GPC5: variants seen among roughly 807,000 people sequenced by gnomAD.
GPC5 encodes glypican 5, also known as glypican-5.
A neutral mutation model predicts 53.9 loss-of-function variants in GPC5; 47 were observed. The ratio of observed to expected loss-of-function variants is 0.87; its 90% CI spans 0.69 to 1.11. GPC5 has a LOEUF of 1.11. Ranked by LOEUF, GPC5 falls within the 50% of genes most tolerant of loss-of-function variation. GPC5 has a pLI of 0.00. For synonymous variants in GPC5, 286 were observed against 263.3 expected (o/e 1.09, Z -0.84); for missense variants, 748 against 713.1 (o/e 1.05, Z -0.56).
At chr13:91,508,700 A>G (rs113374336) in intron 2 of GPC5, among the ~76,000 whole-genome samples, 2,023 of 152,340 alleles carry the variant, frequency 0.013, 43 homozygotes, top group African/African-American at 0.041. Flanking sequence ...TATGCTACAG[A>G]CAACTGACTA....
intron 7 of GPC5, among the ~76,000 whole-genome samples, chr13:92,493,543 C>T (rs1203217734): frequency 6.6e-6 from 1 of 151,856 alleles, no homozygotes. Context: ...AGAGGAAGAG[C>T]GAGGGGAAAA....
chr13:92,708,398 C>T (rs534788290), intron 7 of GPC5, among the ~76,000 whole-genome samples: 2 of 152,264 alleles, frequency 1.3e-5, no homozygotes, highest in East Asian at 1.9e-4. Flanking sequence ...TACCCTCTTA[C>T]TGCCTCAAAT....
intron 7 of GPC5, among the ~76,000 whole-genome samples, chr13:92,237,977 A>G (rs1370661742): frequency 6.6e-6 from 1 of 151,988 alleles, no homozygotes; most frequent in East Asian, 1.9e-4. Context: ...CCATGCTGTA[A>G]CTTGTTCATC....
intron 6 of GPC5, among the ~76,000 whole-genome samples, chr13:91,988,755 G>T (rs117035316): frequency 4.9e-4 from 75 of 152,104 alleles, no homozygotes; most frequent in Non-Finnish European, 6.5e-4. Context: ...TTTCCATCAA[G>T]CTTTAAGGTC....
intron 7 of GPC5, among the ~76,000 whole-genome samples, chr13:92,840,124 T>C (rs954971693): frequency 8.5e-6 from 1 of 117,866 alleles, no homozygotes; most frequent in Non-Finnish European, 1.8e-5. Flanking sequence ...TATATATATA[T>C]GAGTACACAC....
intron 7 of GPC5, among the ~76,000 whole-genome samples, chr13:92,589,073 G>A (rs1387172041): frequency 6.6e-6 from 1 of 152,150 alleles, no homozygotes; most frequent in African/African-American, 2.4e-5. Flanking sequence ...TGTACTAGAG[G>A]AACCATTCTT....
chr13:92,193,681 T>C (rs561388896), intron 7 of GPC5, among the ~76,000 whole-genome samples: 3 of 152,366 alleles, frequency 2.0e-5, no homozygotes, highest in East Asian at 3.9e-4. Flanking sequence ...TGCTAAGGAA[T>C]TGTTGACACT....
chr13:92,002,886 GTGGATGGATGTAACCACAGT>G (rs1195380900), intron 6 of GPC5, among the ~76,000 whole-genome samples: 1 of 152,176 alleles, frequency 6.6e-6, no homozygotes, highest in Non-Finnish European at 1.5e-5. Flanking sequence ...AACCTACAGG[GTGGATGGATGTAACCACAGT>G]TGTTGGCTAT....
chr13:91,818,539 A>G (rs9560863), intron 5 of GPC5, among the ~76,000 whole-genome samples: 91,374 of 152,002 alleles, frequency 0.6, 27,985 homozygotes, highest in East Asian at 0.96. Context: ...GCACAGTTTT[A>G]GTATTCAATG....
chr13:92,462,499 CTTGAAGAAG>C (rs957694846), intron 7 of GPC5, among the ~76,000 whole-genome samples: 24 of 152,054 alleles, frequency 1.6e-4, no homozygotes, highest in African/African-American at 5.3e-4. Context: ...AGGGGTTTTT[CTTGAAGAAG>C]AGCAATAATT....
At chr13:92,822,114 T>C (rs1877693941) in intron 7 of GPC5, among the ~76,000 whole-genome samples, 1 of 152,148 alleles carries the variant, frequency 6.6e-6, no homozygotes, top group Non-Finnish European at 1.5e-5. Flanking sequence ...CTGTAAAATA[T>C]TAATTACCTC....
chr13:92,696,734 G>T (rs992930521), intron 7 of GPC5, among the ~76,000 whole-genome samples: 4 of 152,086 alleles, frequency 2.6e-5, no homozygotes, highest in African/African-American at 9.7e-5. Context: ...GGCTTTTGTT[G>T]CCCTTGCTTT....
intron 3 of GPC5, among the ~76,000 whole-genome samples, chr13:91,726,633 C>G (rs760895409): frequency 1.1e-4 from 17 of 152,134 alleles, no homozygotes; most frequent in Non-Finnish European, 2.2e-4. Context: ...AGGACTTTTC[C>G]TTTGCCCATC....
intron 3 of GPC5, among the ~76,000 whole-genome samples, chr13:91,695,545 T>C (rs2139826138): frequency 6.6e-6 from 1 of 152,046 alleles, no homozygotes; most frequent in South Asian, 2.1e-4. Flanking sequence ...AACTAATTTT[T>C]TGTATTTTTT....
chr13:92,200,780 G>T (rs1283906381), intron 7 of GPC5, among the ~76,000 whole-genome samples: 3 of 152,230 alleles, frequency 2.0e-5, no homozygotes, highest in African/African-American at 7.2e-5. Context: ...GATTGGACGA[G>T]CCCTGGTCAG....
At chr13:91,690,999 T>G (rs2139796830) in intron 2 of GPC5, among the ~76,000 whole-genome samples, 1 of 152,366 alleles carries the variant, frequency 6.6e-6, no homozygotes, top group Middle Eastern at 3.4e-3. Context: ...TTCGCGGTTC[T>G]TAGCCACACA....
At chr13:92,423,672 T>C (rs1876689989) in intron 7 of GPC5, among the ~76,000 whole-genome samples, 1 of 152,184 alleles carries the variant, frequency 6.6e-6, no homozygotes, top group African/African-American at 2.4e-5. Context: ...AACTTTGCTT[T>C]CATAGCAATT....
At chr13:92,670,881 T>C (rs1886724859) in intron 7 of GPC5, among the ~76,000 whole-genome samples, 1 of 152,170 alleles carries the variant, frequency 6.6e-6, no homozygotes, top group African/African-American at 2.4e-5. Flanking sequence ...CCTGGAGCAG[T>C]AACATGACTA....
intron 7 of GPC5, among the ~76,000 whole-genome samples, chr13:92,598,474 G>A (rs1042641669): frequency 2.6e-5 from 4 of 151,718 alleles, no homozygotes; most frequent in Non-Finnish European, 5.9e-5. Context: ...TTTTTCATGG[G>A]AACTTTATCT....
Sources: allele counts gnomAD v4.1 joint callset (sites outside exome capture counted in the v4.1 genomes callset), GRCh38; gene constraint gnomAD v4.1.1; transcripts MANE v1.5; gene names NCBI Gene and HGNC (gene_info 2026-07-23, HGNC 2026-07-21).